The following PKD2L2 variants were observed in gnomAD, a reference collection of about 807,000 sequenced individuals.
The protein encoded by PKD2L2 is polycystin-2-like protein 2.
Under a neutral mutation model 83.9 loss-of-function variants are expected in PKD2L2, and 67 were observed. That is an observed-to-expected ratio of 0.80 (90% CI 0.66 to 0.98). PKD2L2 has a LOEUF of 0.98. Among genes scored for constraint, PKD2L2 ranks in the 50% least tolerant of loss-of-function variants. The probability of loss-of-function intolerance (pLI) is 0.00; values close to 1 mark genes in which losing one functional copy is unlikely to be tolerated. For synonymous variants in PKD2L2, 223 were observed against 237.8 expected, an observed-to-expected ratio of 0.94 and a Z score of 0.57; for missense variants, 632 against 717.2, an observed-to-expected ratio of 0.88 and a Z score of 1.36.
At chr5:137,942,298 T>C (rs1321922493) in intron 14 of PKD2L2, 86 bp from the exon 15 acceptor site, 3 of 456,218 alleles carry the variant, frequency 6.6e-6, no homozygotes, top group Admixed American at 7.5e-5. Flanking sequence ...GAAGTGGATA[T>C]AGAACAAAAA....
Position 137,942,317 on chromosome 5 carries a change from C to T in PKD2L2, c.*18-67C>T, listed in dbSNP as rs184027619. 353 of 409,678 alleles carry T rather than the reference C, an allele frequency of 8.6e-4. 1 individual carries two copies. The highest frequency in any genetic ancestry group is 8.6e-4 in the South Asian group (18 of 20,812). 25.4% of individuals were successfully genotyped at this position (409,678 alleles called of 1,614,324 possible). A position where few individuals can be genotyped will look rare whatever the true frequency, so the allele number is the denominator to read the frequency against. On this transcript the variant is annotated intron_variant, in intron 14 of 14. Transcript: ENST00000508883. ...TGGATATAGAACAAAAAGATCAACT[C>T]GCAACTAGTTCCTGTACTTTGTTAT...
intron 9 of PKD2L2, 152 bp downstream of exon 9, chr5:137,921,908 T>C: frequency 1.6e-6 from 1 of 642,084 alleles, no homozygotes; most frequent in East Asian, 2.9e-5. Context: ...GGTTCACTAG[T>C]CCAGTGACTG....
At chr5:137,937,908 CTTTTTTT>C (rs563701721) in intron 14 of PKD2L2, 4 of 139,886 alleles carry the variant, frequency 2.9e-5, no homozygotes, top group Non-Finnish European at 4.7e-5. Context: ...CACTTGAGGT[CTTTTTTT>C]TTTTTTTAAG....
At chr5:137,896,132 G>A (rs1272642936) in intron 4 of PKD2L2, among the ~76,000 whole-genome samples, 6 of 150,732 alleles carry the variant, frequency 4.0e-5, no homozygotes, top group East Asian at 1.9e-4. Context: ...AGCCAAGATC[G>A]GACCACTACA....
intron 8 of PKD2L2, among the ~76,000 whole-genome samples, chr5:137,913,088 T>C (rs181770946): frequency 6.6e-6 from 1 of 152,000 alleles, no homozygotes; most frequent in Non-Finnish European, 1.5e-5. Context: ...TTGGCCAGGC[T>C]GGTCTGGAAC....
intron 8 of PKD2L2, among the ~76,000 whole-genome samples, chr5:137,911,592 A>G (rs1015315457): frequency 4.6e-4 from 70 of 152,338 alleles, no homozygotes; most frequent in African/African-American, 1.7e-3. Context: ...GTTTTGATAC[A>G]TGTATACATT....
chr5:137,920,369 A>T (rs958565858), intron 8 of PKD2L2, among the ~76,000 whole-genome samples: 3 of 152,222 alleles, frequency 2.0e-5, no homozygotes, highest in Admixed American at 6.5e-5. Flanking sequence ...TGTGCTACTC[A>T]AAGTCTTAAT....
rs1017561389 is a variant in PKD2L2, at chr5:137,894,563, T to C, written c.478T>C (p.Ser160Pro). The change falls in exon 4 of 15, where the codon TCT becomes CCT. Residue 160 changes from serine (S) to proline (P), a missense_variant. Physicochemically the swap from Ser to Pro is moderately conservative, Grantham distance 74. Transcript: ENST00000508883. ...LMSECYGKYT[S>P]ANEDLSNFGL... ...GAGTGAATGTTATGGCAAATATACTTCTGCAAATGAAGACCTCTCTAATTT... is the reference window on the plus strand; with the variant it reads ...GAGTGAATGTTATGGCAAATATACTCCTGCAAATGAAGACCTCTCTAATTT... 4 of 1,613,052 alleles carry C rather than the reference T, an allele frequency of 2.5e-6. No individual in the cohort carries two copies. The highest frequency in any genetic ancestry group is 1.7e-5 in the Admixed American group (1 of 60,026).
intron 4 of PKD2L2, among the ~76,000 whole-genome samples, chr5:137,896,072 G>C (rs181060899): frequency 6.6e-6 from 1 of 151,908 alleles, no homozygotes; most frequent in African/African-American, 2.4e-5. Flanking sequence ...AGCTACTTGG[G>C]AGGCTGAGAC....
At chr5:137,906,716 T>G (rs700606) in intron 6 of PKD2L2, among the ~76,000 whole-genome samples, 12 of 152,144 alleles carry the variant, frequency 7.9e-5, no homozygotes, top group Admixed American at 7.9e-4. Flanking sequence ...TCCCTACCCC[T>G]ACTTAAAAAA....
At chr5:137,889,559 C>T in intron 1 of PKD2L2, 37 bp downstream of exon 1, 1 of 1,510,664 alleles carries the variant, frequency 6.6e-7, no homozygotes, top group Non-Finnish European at 8.8e-7. Flanking sequence ...GGGACAGGGG[C>T]GATTTGGCAG....
chr5:137,912,247 GCTATA>G (rs1211276643), intron 8 of PKD2L2, among the ~76,000 whole-genome samples: 13 of 152,240 alleles, frequency 8.5e-5, no homozygotes, highest in African/African-American at 2.6e-4. Context: ...TGGCATAGAG[GCTATA>G]CCATTTTACA....
At chr5:137,913,934 C>A (rs1284322538) in intron 8 of PKD2L2, among the ~76,000 whole-genome samples, 1 of 148,248 alleles carries the variant, frequency 6.7e-6, no homozygotes, top group Non-Finnish European at 1.5e-5. Flanking sequence ...ATGGTGTGAT[C>A]CCGACTCACT....
chr5:137,933,759 G>A (rs1760076732), intron 12 of PKD2L2, among the ~76,000 whole-genome samples: 1 of 152,180 alleles, frequency 6.6e-6, no homozygotes, highest in Non-Finnish European at 1.5e-5. Context: ...AGGCATACCA[G>A]AGAATCCCTT....
chr5:137,917,514 A>G (rs1758484836), intron 8 of PKD2L2, among the ~76,000 whole-genome samples: 2 of 152,010 alleles, frequency 1.3e-5, no homozygotes, highest in African/African-American at 4.8e-5. Flanking sequence ...CAATTATCCT[A>G]TCTTCAAGTT....
rs774687928 is a variant in PKD2L2, at chr5:137,906,441, A to G, written c.975+7A>G. 2.1e-6 allele frequency: 3 copies of G among 1,451,828 alleles called. No individual in the cohort carries two copies. The South Asian group carries it at 3.5e-5, about 17-fold the overall frequency. The allele number at this position is 1,451,828 out of a possible 1,614,324, so 89.9% of individuals were successfully genotyped here. The stretch of plus-strand genomic sequence containing the variant: ...AGAATTGCTACTTTTGCTGGTGAGT[A>G]TATATTCATGTGTATGGTTGAAGGG... On this transcript the variant is annotated splice_region_variant and intron_variant, in intron 6 of 14. Coordinates refer to ENST00000508883, the MANE Select transcript of PKD2L2 (RefSeq NM_001300921.2).
intron 11 of PKD2L2, among the ~76,000 whole-genome samples, 162 bp from the exon 12 acceptor site, chr5:137,925,713 T>G (rs1759325352): frequency 1.3e-5 from 2 of 152,226 alleles, no homozygotes; most frequent in Admixed American, 1.3e-4. Context: ...TAATGACATA[T>G]GATACTCTGA....
chr5:137,889,847 GT>G, intron 1 of PKD2L2: 1 of 339,698 alleles, frequency 2.9e-6, no homozygotes, highest in Non-Finnish European at 5.3e-6. Context: ...TCAAGCCGAG[GT>G]GTTTTTCCCC....
At chr5:137,890,947 TAAATC>T (rs1304416435) in intron 2 of PKD2L2, among the ~76,000 whole-genome samples, 1 of 152,224 alleles carries the variant, frequency 6.6e-6, no homozygotes, top group East Asian at 1.9e-4. Flanking sequence ...CTGAGTTTCA[TAAATC>T]AAAGTACAAA....
Sources: gnomAD v4.1 joint callset for allele counts (sites outside exome capture counted in the v4.1 genomes callset) on GRCh38, gnomAD v4.1.1 for gene constraint, MANE v1.5 for transcripts, NCBI Gene and HGNC (gene_info 2026-07-23, HGNC 2026-07-21) for gene names.